The following LMBR1 variants were observed in gnomAD, a reference collection of about 807,000 sequenced individuals.
LMBR1 encodes limb region 1 protein homolog.
LMBR1 carries 52 observed loss-of-function variants against 73.9 expected under a neutral mutation model. The ratio of observed to expected loss-of-function variants is 0.70; its 90% CI spans 0.56 to 0.89. LMBR1 has a LOEUF of 0.89. LMBR1 is among the 40% of genes least tolerant of loss of function. The pLI, the probability that LMBR1 is intolerant of heterozygous loss-of-function variation, is 0.00. For missense variants in LMBR1, 539 were observed against 579.8 expected, an observed-to-expected ratio of 0.93 and a Z score of 0.72; for synonymous variants, 215 against 209.4, an observed-to-expected ratio of 1.03 and a Z score of -0.23.
chr7:156,871,740 A>T (rs1313450202), intron 1 of LMBR1, among the ~76,000 whole-genome samples: 2 of 152,226 alleles, frequency 1.3e-5, no homozygotes, highest in Non-Finnish European at 2.9e-5. Context: ...AAAATTCAGC[A>T]CCCTTTCATG....
intron 10 of LMBR1, among the ~76,000 whole-genome samples, chr7:156,733,411 G>C (rs937794897): frequency 1.3e-5 from 2 of 151,974 alleles, no homozygotes; most frequent in Non-Finnish European, 2.9e-5. Flanking sequence ...TCACAAAGAG[G>C]GAGGACACAG....
Position 156,786,568 on chromosome 7 carries a change from G to A in LMBR1, c.423+9821C>T, listed in dbSNP as rs534477675. ...AGGACAAAGTAGCCAAAATAGAATA[G>A]ACTATATTATTCATCCCAACTTTGA... On this transcript the variant is annotated intron_variant, in intron 5 of 16. Transcript: ENST00000353442. 2.6e-5 allele frequency among the ~76,000 whole-genome samples: 4 copies of A among 152,264 alleles called. No homozygotes were observed. In the East Asian group the frequency reaches 7.7e-4, roughly 29 times the overall value.
intron 1 of LMBR1, among the ~76,000 whole-genome samples, chr7:156,884,000 G>A (rs889113469): frequency 3.9e-5 from 6 of 152,204 alleles, no homozygotes; most frequent in Non-Finnish European, 7.3e-5. Flanking sequence ...CCGCAGAGGG[G>A]AAGCTGATTT....
intron 1 of LMBR1, among the ~76,000 whole-genome samples, chr7:156,877,549 G>C (rs1800362282): frequency 6.6e-6 from 1 of 152,136 alleles, no homozygotes; most frequent in Non-Finnish European, 1.5e-5. Flanking sequence ...GTAACACCAT[G>C]ATCAAGTGGG....
chr7:156,855,227 T>C (rs988270310), intron 1 of LMBR1, among the ~76,000 whole-genome samples: 1 of 152,172 alleles, frequency 6.6e-6, no homozygotes, highest in Non-Finnish European at 1.5e-5. Context: ...GAATAATTTT[T>C]TTAAATGGGA....
intron 15 of LMBR1, among the ~76,000 whole-genome samples, chr7:156,717,580 GAAATTAAAAACAGA>G (rs1813496841): frequency 6.6e-6 from 1 of 152,154 alleles, no homozygotes; most frequent in South Asian, 2.1e-4. Context: ...ACACCACAGA[GAAATTAAAAACAGA>G]ATCCATAGAA....
downstream of LMBR1, chr7:156,676,369 G>A: frequency 6.2e-7 from 1 of 1,613,824 alleles, no homozygotes; most frequent in Non-Finnish European, 8.5e-7. Flanking sequence ...GTAACTTTCT[G>A]CTGTGATGAA....
intron 5 of LMBR1, among the ~76,000 whole-genome samples, chr7:156,769,898 C>T (rs1824860983): frequency 6.6e-6 from 1 of 152,156 alleles, no homozygotes; most frequent in South Asian, 2.1e-4. Flanking sequence ...ACAACCCTAA[C>T]AAATGGCCCA....
At position 156,725,777 on chromosome 7, in the gene LMBR1, T is replaced by C; in HGVS notation, c.1054A>G (p.Ile352Val). 6.2e-7 allele frequency: 1 copy of C among 1,613,492 alleles called. No homozygotes were observed. Among genetic ancestry groups the C allele is most frequent in the Non-Finnish European group, 8.5e-7 (1 of 1,179,708 alleles). The change falls in exon 13 of 17, where the codon ATC becomes GTC. Residue 352 changes from isoleucine (I) to valine (V), a missense_variant. By Grantham distance (29) the Ile-to-Val change is conservative. Transcript: ENST00000353442. Reference sequence around the variant, plus strand: ...AAGAAAGGATACAAAATCAAAATGATTTCAAGCGCAGCTCCCACAAAACCA... The same window carrying C: ...AAGAAAGGATACAAAATCAAAATGACTTCAAGCGCAGCTCCCACAAAACCA... The part of the protein sequence containing the change: ...TFGFVGAALE[I>V]ILIFYLMVSS...
intron 4 of LMBR1, among the ~76,000 whole-genome samples, chr7:156,671,701 A>G (rs1802581152): frequency 6.6e-6 from 1 of 152,160 alleles, no homozygotes; most frequent in African/African-American, 2.4e-5. Context: ...CACAGTCCCC[A>G]ACAGTTAGTT....
chr7:156,888,864 G>A (rs1243721304), intron 1 of LMBR1, among the ~76,000 whole-genome samples: 1 of 152,176 alleles, frequency 6.6e-6, no homozygotes, highest in African/African-American at 2.4e-5. Flanking sequence ...AGACCAGCCT[G>A]GCCAACATGG....
rs774195719 is a variant in LMBR1 at position 156,796,428 on chromosome 7, A to G, written c.384T>C (p.Phe128=). ...LCLFVLMPFA[F]FFLESEGFAG... ...CAAAGCCTTCTGATTCCAGAAAGAA[A>G]AAGGCAAAGGGCATCAATACAAATA... The change falls in exon 5 of 17, where the codon TTT becomes TTC. Residue 128 remains phenylalanine, a synonymous_variant. Transcript: ENST00000353442. 8.7e-6 allele frequency: 14 copies of G among 1,610,082 alleles called. No individual in the cohort carries two copies. In the East Asian group the frequency reaches 3.1e-4, roughly 36 times the overall value.
intron 1 of LMBR1, among the ~76,000 whole-genome samples, chr7:156,840,964 C>CAAAAAAAAAAAA (rs57968006): frequency 4.2e-5 from 3 of 71,370 alleles, no homozygotes; most frequent in Non-Finnish European, 8.4e-5. Context: ...GACTCGGTCT[C>CAAAAAAAAAAAA]AAAAAAAAAA....
Position 156,715,386 on chromosome 7 carries a change from T to A in LMBR1, c.1225+8726A>T, listed in dbSNP as rs149188498. On this transcript the variant is annotated intron_variant, in intron 15 of 16. Coordinates refer to ENST00000353442, the MANE Select transcript of LMBR1 (RefSeq NM_022458.4). ...GGATTTTCCTATTCTGGACATTTCA[T>A]GGAAATGGAATCGTACAATATAACA... Among the ~76,000 whole-genome samples the A allele has an allele frequency of 3.8e-3, 580 of 152,356 alleles. 3 individuals are homozygous for A. The highest frequency in any genetic ancestry group is 0.013 in the African/African-American group (558 of 41,572).
At chr7:156,800,110 CAGA>C (rs1374918846) in intron 4 of LMBR1, among the ~76,000 whole-genome samples, 5 of 152,226 alleles carry the variant, frequency 3.3e-5, no homozygotes, top group Non-Finnish European at 5.9e-5. Context: ...GCAAGTTCTC[CAGA>C]AGATCTGGCT....
chr7:156,830,407 G>T (rs1316362948), intron 3 of LMBR1, among the ~76,000 whole-genome samples: 1 of 152,052 alleles, frequency 6.6e-6, no homozygotes. Context: ...AGTTTAACAG[G>T]TTGATAATAT....
chr7:156,725,811 A>T lies in LMBR1; in HGVS notation c.1020T>A (p.Leu340=). Residue 340 remains leucine (L), a synonymous_variant, in exon 13 of 17, where the codon CTT becomes CTA. Coordinates refer to ENST00000353442, the MANE Select transcript of LMBR1 (RefSeq NM_022458.4). ...CAGCTCCCACAAAACCAAACGTAGA[A>T]AGAGAGGCATTTCCTATTCCAGGCC... ...TRGPGIGNAS[L]STFGFVGAAL... is the part of the protein sequence containing the mutation. 1 of 1,613,748 alleles carries T rather than the reference A, an allele frequency of 6.2e-7. No homozygotes were observed. The highest frequency in any genetic ancestry group is 8.5e-7 in the Non-Finnish European group (1 of 1,179,780).
At chr7:156,873,820 C>T (rs1016806234) in intron 1 of LMBR1, among the ~76,000 whole-genome samples, 2 of 151,926 alleles carry the variant, frequency 1.3e-5, no homozygotes, top group African/African-American at 4.8e-5. Flanking sequence ...TACAGAGTGT[C>T]GATTGGTGCA....
chr7:156,823,791 T>TA (rs1202031028), intron 4 of LMBR1: 1 of 152,190 alleles, frequency 6.6e-6, no homozygotes, highest in Non-Finnish European at 1.5e-5. Flanking sequence ...GCATATGCTA[T>TA]ATATAATACA....
Sources: gnomAD v4.1 joint callset for allele counts (sites outside exome capture counted in the v4.1 genomes callset) on GRCh38, gnomAD v4.1.1 for gene constraint, MANE v1.5 for transcripts, NCBI Gene and HGNC (gene_info 2026-07-23, HGNC 2026-07-21) for gene names.